MFHAS1: variants seen among roughly 807,000 people sequenced by gnomAD.
MFHAS1 encodes the protein multifunctional ROCO family signaling regulator 1, also known as malignant fibrous histiocytoma-amplified sequence 1.
A neutral mutation model predicts 70.4 loss-of-function variants in MFHAS1; 50 were observed. That is an observed-to-expected ratio of 0.71 (90% CI 0.57 to 0.90). MFHAS1 has a LOEUF of 0.90. Among genes scored for constraint, MFHAS1 ranks in the 40% least tolerant of loss-of-function variants. MFHAS1 has a pLI of 0.00. For synonymous variants in MFHAS1, 952 were observed against 620.0 expected, an observed-to-expected ratio of 1.54 and a Z score of -7.96; for missense variants, 1,795 against 1,347.6, an observed-to-expected ratio of 1.33 and a Z score of -5.20.
chr8:8,789,264 C>T (rs1362867072), intron 2 of MFHAS1, among the ~76,000 whole-genome samples: 1 of 152,164 alleles, frequency 6.6e-6, no homozygotes, highest in Non-Finnish European at 1.5e-5. Context: ...GGGAAGAAAG[C>T]AGAGGAAGGC....
intron 1 of MFHAS1, among the ~76,000 whole-genome samples, chr8:8,831,526 C>G (rs780200252): frequency 6.6e-6 from 1 of 151,802 alleles, no homozygotes; most frequent in Non-Finnish European, 1.5e-5. Context: ...AAACGTACCA[C>G]AAAGCTACAA....
At chr8:8,842,520 C>T (rs183892994) in intron 1 of MFHAS1, among the ~76,000 whole-genome samples, 55 of 152,172 alleles carry the variant, frequency 3.6e-4, no homozygotes, top group Admixed American at 3.2e-3. Flanking sequence ...AACATTTCCT[C>T]GGTACACAGT....
At chr8:8,884,098 T>G (rs1321340923) in intron 1 of MFHAS1, among the ~76,000 whole-genome samples, 2 of 116,510 alleles carry the variant, frequency 1.7e-5, no homozygotes, top group African/African-American at 3.0e-5. Context: ...AAAAAAAAAA[T>G]TAAAGAAAAA....
intron 1 of MFHAS1, among the ~76,000 whole-genome samples, chr8:8,874,373 C>CACACACAT (rs929974916): frequency 2.0e-5 from 3 of 148,314 alleles, no homozygotes; most frequent in Admixed American, 6.7e-5. Context: ...CACACACACA[C>CACACACAT]ATAATAATCT....
At chr8:8,801,422 A>C (rs1224818362) in intron 1 of MFHAS1, among the ~76,000 whole-genome samples, 1 of 152,180 alleles carries the variant, frequency 6.6e-6, no homozygotes, top group Non-Finnish European at 1.5e-5. Flanking sequence ...AATTCACTTG[A>C]TGTTAACAAA....
intron 2 of MFHAS1, among the ~76,000 whole-genome samples, chr8:8,792,563 G>T (rs180938885): frequency 1.3e-5 from 2 of 152,126 alleles, no homozygotes; most frequent in African/African-American, 2.4e-5. Context: ...CCAAGATCAC[G>T]CCACTGCACT....
chr8:8,818,451 C>G (rs1232608558), intron 1 of MFHAS1, among the ~76,000 whole-genome samples: 1 of 152,170 alleles, frequency 6.6e-6, no homozygotes, highest in Non-Finnish European at 1.5e-5. Context: ...AGGAGAAGGA[C>G]TGTAAAAAGC....
At chr8:8,874,113 C>A (rs942016455) in intron 1 of MFHAS1, among the ~76,000 whole-genome samples, 8 of 152,094 alleles carry the variant, frequency 5.3e-5, no homozygotes, top group Non-Finnish European at 1.0e-4. Flanking sequence ...AGAGATTTGT[C>A]TTTTTCTAAT....
chr8:8,892,502 A>G lies in MFHAS1; in HGVS notation c.557T>C (p.Leu186Pro). 6.2e-7 allele frequency: 1 copy of G among 1,604,268 alleles called. No homozygotes were observed. The highest frequency in any genetic ancestry group is 8.5e-7 in the Non-Finnish European group (1 of 1,175,462). ...SLSCLSRLRT[L>P]DVDHNQLTAF... ...AGTGAGCTGGTTGTGATCCACGTCC[A>G]GGGTGCGCAGGCGGGAGAGGCAGGA... The change falls in exon 1 of 3, where the codon CTG becomes CCG. Residue 186 changes from leucine (L) to proline (P), a missense_variant. By Grantham distance (98) the Leu-to-Pro change is moderately conservative. Coordinates refer to ENST00000276282, the MANE Select transcript of MFHAS1 (RefSeq NM_004225.3). The surrounding 1 kb of genome is among the most constrained non-coding windows in gnomAD (Gnocchi z 4.7).
At chr8:8,786,960 A>G (rs1041606251) in intron 2 of MFHAS1, among the ~76,000 whole-genome samples, 11 of 152,248 alleles carry the variant, frequency 7.2e-5, no homozygotes, top group Admixed American at 2.6e-4. Context: ...ACAAAACAAA[A>G]AAACCAAAAA....
intron 1 of MFHAS1, among the ~76,000 whole-genome samples, chr8:8,842,785 T>C (rs1807881055): frequency 6.6e-6 from 1 of 152,082 alleles, no homozygotes; most frequent in Non-Finnish European, 1.5e-5. Flanking sequence ...CCATGCACCA[T>C]CATGAGAAAT....
intron 1 of MFHAS1, among the ~76,000 whole-genome samples, chr8:8,874,107 A>T (rs886409879): frequency 6.6e-6 from 1 of 152,022 alleles, no homozygotes; most frequent in East Asian, 1.9e-4. Flanking sequence ...TGATTTAGAG[A>T]TTTGTCTTTT....
At chr8:8,873,102 C>G (rs1260248094) in intron 1 of MFHAS1, among the ~76,000 whole-genome samples, 1 of 152,178 alleles carries the variant, frequency 6.6e-6, no homozygotes, top group Non-Finnish European at 1.5e-5. Context: ...AGCCAGTGAG[C>G]CATTTTTGGT....
intron 2 of MFHAS1, 149 bp from the exon 3 acceptor site, chr8:8,786,204 G>A (rs974581337): frequency 2.7e-6 from 2 of 732,674 alleles, no homozygotes; most frequent in Admixed American, 4.9e-5. Context: ...ACATGTAAAT[G>A]TCAGGCAACT....
At chr8:8,872,274 G>A (rs1314755522) in intron 1 of MFHAS1, among the ~76,000 whole-genome samples, 1 of 152,134 alleles carries the variant, frequency 6.6e-6, no homozygotes, top group African/African-American at 2.4e-5. Flanking sequence ...TCTAATTCCT[G>A]ATTCTTCCTC....
chr8:8,878,089 C>A (rs1382774370), intron 1 of MFHAS1, among the ~76,000 whole-genome samples: 1 of 139,142 alleles, frequency 7.2e-6, no homozygotes, highest in Non-Finnish European at 1.7e-5. Flanking sequence ...TTCTCTGAGA[C>A]CCCTGATGGC....
intron 1 of MFHAS1, among the ~76,000 whole-genome samples, chr8:8,828,905 A>C (rs188030423): frequency 6.6e-6 from 1 of 152,250 alleles, no homozygotes; most frequent in South Asian, 2.1e-4. Context: ...TCAGTCCTTC[A>C]TGTCTTTCCT....
In MFHAS1 at chr8:8,891,287, G is replaced by T; in HGVS notation, c.1772C>A (p.Pro591His). 6.2e-7 allele frequency: 1 copy of T among 1,611,782 alleles called. No homozygotes were observed. ...ARDFELRSASPHAAYYGVSDK... is the reference protein window; with the variant it reads ...ARDFELRSASHHAAYYGVSDK... Reference sequence around the variant, plus strand: ...CGAAACGCCATAGTAGGCTGCGTGGGGGCTGGCAGAGCGCAGCTCGAAGTC... The same window carrying T: ...CGAAACGCCATAGTAGGCTGCGTGGTGGCTGGCAGAGCGCAGCTCGAAGTC... The change falls in exon 1 of 3, where the codon CCC (proline) becomes CAC (histidine). Residue 591 changes from proline (P) to histidine (H), a missense_variant. Physicochemically the swap from Pro to His is moderately conservative, Grantham distance 77. Coordinates refer to ENST00000276282, the MANE Select transcript of MFHAS1 (RefSeq NM_004225.3). This position sits in a 1 kb window ranked among gnomAD's most constrained non-coding sequence, Gnocchi z 5.4.
intron 1 of MFHAS1, among the ~76,000 whole-genome samples, chr8:8,807,990 A>G (rs1263102706): frequency 6.6e-6 from 1 of 152,244 alleles, no homozygotes; most frequent in Admixed American, 6.5e-5. Context: ...ATTAAATGAA[A>G]AACTCCAGAA....
Sources: allele counts gnomAD v4.1 joint callset (sites outside exome capture counted in the v4.1 genomes callset), GRCh38; gene constraint gnomAD v4.1.1; non-coding constraint Gnocchi (gnomAD v3.1); transcripts MANE v1.5; gene names NCBI Gene and HGNC (gene_info 2026-07-23, HGNC 2026-07-21).